Variants in JADE3 observed in about 807,000 individuals in gnomAD.
JADE3 encodes protein Jade-3.
Under a neutral mutation model 50.1 loss-of-function variants are expected in JADE3, and 2 were observed. The observed-to-expected ratio is 0.04, with a 90% CI of 0.02 to 0.13. The LOEUF (loss-of-function observed/expected upper bound fraction) is 0.13. Ranked by LOEUF, JADE3 falls within the 10% of genes least tolerant of loss-of-function variation. The probability of loss-of-function intolerance (pLI) is 1.00; values close to 1 mark genes in which losing one functional copy is unlikely to be tolerated. For synonymous variants in JADE3, 218 were observed against 232.9 expected (o/e 0.94, Z 0.58); for missense variants, 475 against 634.4 (o/e 0.75, Z 2.70).
intron 8 of JADE3, 33 bp from the exon 9 acceptor site, chrX:47,054,125 T>C: frequency 2.0e-6 from 2 of 1,020,784 alleles, no homozygotes; most frequent in South Asian, 4.2e-5. Context: ...TTCCTCCAAC[T>C]CTGCTACCTT....
intron 1 of JADE3, among the ~76,000 whole-genome samples, chrX:46,937,853 C>T (rs980076939): frequency 2.7e-5 from 3 of 111,036 alleles, no homozygotes; most frequent in Non-Finnish European, 5.7e-5. Flanking sequence ...TGGTGGTGGG[C>T]GCCTATAATT....
intron 1 of JADE3, among the ~76,000 whole-genome samples, chrX:46,976,136 G>T (rs782757063): frequency 8.9e-6 from 1 of 111,792 alleles, no homozygotes; most frequent in African/African-American, 3.2e-5. Context: ...GCCCTGCAGA[G>T]GGCAGTGAAT....
At chrX:46,969,564 C>G (rs1429105937) in intron 1 of JADE3, among the ~76,000 whole-genome samples, 1 of 108,904 alleles carries the variant, frequency 9.2e-6, no homozygotes, top group Non-Finnish European at 1.9e-5. Flanking sequence ...TGGCAGGGCG[C>G]AGTGGCTCAC....
At position 47,060,706 on chromosome X, in the gene JADE3, T is replaced by C. The variant is rs1929758134; in HGVS notation, c.*1629T>C. On this transcript the variant is annotated 3_prime_UTR_variant, in exon 11 of 11. Coordinates refer to ENST00000614628, the MANE Select transcript of JADE3 (RefSeq NM_014735.5). Reference sequence around the variant, plus strand: ...TGTGTGGTAGGTGTCCTGTATTTTGTTTGGGAAAAAAACTATCAAAATGAG... The same window carrying C: ...TGTGTGGTAGGTGTCCTGTATTTTGCTTGGGAAAAAAACTATCAAAATGAG... The C allele has an allele frequency of 8.9e-6, 1 of 112,453 alleles. No individual in the cohort carries two copies. Among genetic ancestry groups the C allele is most frequent in the Non-Finnish European group, 1.9e-5 (1 of 53,291 alleles). The allele number at this position is 112,453 out of a possible 1,213,427, so 9.3% of individuals were successfully genotyped here.
chrX:47,045,172 G>C (rs1204347553), intron 8 of JADE3, among the ~76,000 whole-genome samples: 1 of 111,792 alleles, frequency 8.9e-6, no homozygotes, highest in Non-Finnish European at 1.9e-5. Context: ...ATGATCTGTT[G>C]CTTACAGGAA....
chrX:47,045,234 A>G (rs1015954413), intron 8 of JADE3, among the ~76,000 whole-genome samples: 3 of 111,945 alleles, frequency 2.7e-5, no homozygotes, highest in Non-Finnish European at 5.7e-5. Flanking sequence ...GGATGGAAAA[A>G]TATATTCCAT....
intron 1 of JADE3, among the ~76,000 whole-genome samples, chrX:46,917,378 G>A (rs782510251): frequency 1.3e-4 from 15 of 111,161 alleles, no homozygotes; most frequent in African/African-American, 2.3e-4. Context: ...CCTGTGTCCC[G>A]AGTACTGTGC....
intron 8 of JADE3, among the ~76,000 whole-genome samples, chrX:47,049,747 T>C (rs1162443021): frequency 1.0e-5 from 1 of 99,976 alleles, no homozygotes; most frequent in African/African-American, 3.6e-5. Flanking sequence ...CGCCTGGCTC[T>C]TCTTCTTCTT....
At chrX:46,977,471 ATTC>A (rs1927651683) in intron 1 of JADE3, among the ~76,000 whole-genome samples, 1 of 112,151 alleles carries the variant, frequency 8.9e-6, no homozygotes, top group African/African-American at 3.2e-5. Flanking sequence ...CCTTTGCTCT[ATTC>A]TTCTGTCGTG....
intron 8 of JADE3, among the ~76,000 whole-genome samples, chrX:47,052,788 G>C (rs1420458233): frequency 9.0e-6 from 1 of 110,594 alleles, no homozygotes; most frequent in Non-Finnish European, 1.9e-5. Flanking sequence ...AAGCGCAGTG[G>C]CTCACACCTG....
rs1438114180 is a variant in JADE3, at chrX:47,059,028, A to C, written c.2423A>C (p.His808Pro). The change falls in exon 11 of 11, where the codon CAT (histidine) becomes CCT (proline). Residue 808 changes from histidine to proline, a missense_variant. By Grantham distance (77) the His-to-Pro change is moderately conservative. Transcript: ENST00000614628. ...NPPHDSRRDC[H>P]GKSKTHPLSH... ...CCCCATGACTCTAGACGGGATTGCCATGGTAAAAGCAAGACACATCCCCTT... is the reference window on the plus strand; with the variant it reads ...CCCCATGACTCTAGACGGGATTGCCCTGGTAAAAGCAAGACACATCCCCTT... The C allele has an allele frequency of 8.3e-7, 1 of 1,205,533 alleles. No homozygotes were observed. The highest frequency in any genetic ancestry group is 1.1e-6 in the Non-Finnish European group (1 of 894,250).
intron 1 of JADE3, among the ~76,000 whole-genome samples, chrX:46,928,734 C>T (rs1237925021): frequency 1.8e-5 from 2 of 111,301 alleles, no homozygotes; most frequent in African/African-American, 6.5e-5. Context: ...CAGGTGCACA[C>T]CACCATGCCT....
intron 7 of JADE3, 27 bp downstream of exon 7, chrX:47,033,815 C>G: frequency 1.8e-6 from 2 of 1,118,620 alleles, no homozygotes; most frequent in Non-Finnish European, 1.2e-6. Flanking sequence ...GCCCGTGAGA[C>G]CATTTGCTCC....
At chrX:46,935,753 T>C (rs781987016) in intron 1 of JADE3, among the ~76,000 whole-genome samples, 1 of 109,771 alleles carries the variant, frequency 9.1e-6, no homozygotes, top group South Asian at 3.9e-4. Flanking sequence ...TACAGGCTGA[T>C]ACTTCCAGTA....
At chrX:46,915,505 A>G (rs1556336107) in intron 1 of JADE3, among the ~76,000 whole-genome samples, 1 of 111,723 alleles carries the variant, frequency 9.0e-6, no homozygotes, top group Non-Finnish European at 1.9e-5. Context: ...TGGCTGGGAA[A>G]GCTGAAACAT....
At chrX:47,018,284 A>G (rs1928717393) in intron 4 of JADE3, among the ~76,000 whole-genome samples, 1 of 109,715 alleles carries the variant, frequency 9.1e-6, no homozygotes, top group African/African-American at 3.3e-5. Flanking sequence ...GCATTCTATC[A>G]CTTTTACTTT....
chrX:46,993,657 A>G (rs1052653913), intron 3 of JADE3, among the ~76,000 whole-genome samples: 1 of 112,167 alleles, frequency 8.9e-6, no homozygotes. Context: ...TTTATTCTTT[A>G]TAAGAAACCT....
chrX:47,022,895 A>T (rs782529414), intron 4 of JADE3, among the ~76,000 whole-genome samples: 1 of 110,890 alleles, frequency 9.0e-6, no homozygotes, highest in South Asian at 3.9e-4. Context: ...TTGGGCTTAG[A>T]TTTATGGTTG....
At chrX:46,931,278 T>C (rs1231208306) in intron 1 of JADE3, among the ~76,000 whole-genome samples, 1 of 112,206 alleles carries the variant, frequency 8.9e-6, no homozygotes, top group Non-Finnish European at 1.9e-5. Flanking sequence ...CAGTAGTCAA[T>C]AAATACCTGT....
Sources: allele counts gnomAD v4.1 joint callset (sites outside exome capture counted in the v4.1 genomes callset), GRCh38; gene constraint gnomAD v4.1.1; transcripts MANE v1.5; gene names NCBI Gene and HGNC (gene_info 2026-07-23, HGNC 2026-07-21).